MAST4: variants seen among roughly 807,000 people sequenced by gnomAD.
The protein encoded by MAST4 is microtubule associated serine/threonine kinase family member 4.
Under a neutral mutation model 162.7 loss-of-function variants are expected in MAST4, and 89 were observed. That is an observed-to-expected ratio of 0.55 (90% confidence interval 0.46 to 0.65). MAST4 has a LOEUF of 0.65. Ranked by LOEUF, MAST4 falls within the 30% of genes least tolerant of loss-of-function variation. The pLI is 0.00. For missense variants in MAST4, 3,153 were observed against 3,374.0 expected (o/e 0.93, Z 1.62); for synonymous variants, 1,479 against 1,361.1 (o/e 1.09, Z -1.91).
At chr5:66,935,181 A>G (rs1742605953) in intron 4 of MAST4, among the ~76,000 whole-genome samples, 1 of 152,248 alleles carries the variant, frequency 6.6e-6, no homozygotes, top group Non-Finnish European at 1.5e-5. Context: ...CAGTACTACA[A>G]GAAAAATATT....
chr5:66,815,680 T>C (rs1319080543), intron 3 of MAST4, among the ~76,000 whole-genome samples: 1 of 152,226 alleles, frequency 6.6e-6, no homozygotes, highest in African/African-American at 2.4e-5. Flanking sequence ...AAGAAACTGG[T>C]ATTATTTATG....
At chr5:66,801,242 TG>T (rs1755904507) in intron 3 of MAST4, among the ~76,000 whole-genome samples, 1 of 152,206 alleles carries the variant, frequency 6.6e-6, no homozygotes, top group African/African-American at 2.4e-5. Flanking sequence ...GGACATTTAC[TG>T]TAGAATTTCA....
intron 1 of MAST4, among the ~76,000 whole-genome samples, chr5:66,602,485 A>T (rs888026177): frequency 5.3e-5 from 8 of 152,010 alleles, no homozygotes; most frequent in African/African-American, 1.7e-4. Flanking sequence ...GACCTAGTGG[A>T]TACAGTGCAG....
chr5:67,016,492 T>C (rs1257707673), intron 4 of MAST4, among the ~76,000 whole-genome samples: 1 of 152,230 alleles, frequency 6.6e-6, no homozygotes, highest in Non-Finnish European at 1.5e-5. Context: ...TTTTGATCTT[T>C]GGTACAGAAA....
intron 2 of MAST4, among the ~76,000 whole-genome samples, chr5:66,784,873 TG>T (rs540551603): frequency 3.3e-4 from 50 of 152,284 alleles, no homozygotes; most frequent in African/African-American, 1.1e-3. Flanking sequence ...ATGGGAATAT[TG>T]GGGGCTTGGA....
chr5:66,907,204 A>AGAGG (rs1763425801), intron 4 of MAST4, among the ~76,000 whole-genome samples: 3 of 86,486 alleles, frequency 3.5e-5, no homozygotes, highest in Non-Finnish European at 5.1e-5. Context: ...AGAGAGAGAG[A>AGAGG]GAGTCCTGCT....
At chr5:66,726,472 G>T (rs996535174) in intron 1 of MAST4, among the ~76,000 whole-genome samples, 1 of 152,132 alleles carries the variant, frequency 6.6e-6, no homozygotes, top group Non-Finnish European at 1.5e-5. Context: ...CAGTTATTGA[G>T]GCTGGAGTTG....
At chr5:67,111,298 G>A (rs1433897960) in intron 11 of MAST4, among the ~76,000 whole-genome samples, 1 of 152,132 alleles carries the variant, frequency 6.6e-6, no homozygotes, top group Non-Finnish European at 1.5e-5. Flanking sequence ...TACATACATG[G>A]TTGCAGTGCT....
chr5:66,822,438 G>A (rs1757040361), intron 3 of MAST4, among the ~76,000 whole-genome samples: 4 of 152,184 alleles, frequency 2.6e-5, no homozygotes, highest in African/African-American at 9.7e-5. Flanking sequence ...TGGAAAGGGT[G>A]CTCTTGGTTT....
chr5:66,938,112 A>T (rs907530584), intron 4 of MAST4, among the ~76,000 whole-genome samples: 2 of 152,140 alleles, frequency 1.3e-5, no homozygotes, highest in Non-Finnish European at 2.9e-5. Context: ...ACAAATAATG[A>T]TAATTTTTCA....
rs897132495 is a variant in MAST4 at position 67,145,292 on chromosome 5, A to G, written c.3007A>G (p.Lys1003Glu). Residue 1003 changes from lysine (K) to glutamate (E), a missense_variant, in exon 23 of 29, where the codon AAG becomes GAG. Coordinates refer to ENST00000403625, the MANE Select transcript of MAST4 (RefSeq NM_001164664.2). ...CPGDPHEEPG[K>E]PALPPEECAQ... is the part of the protein sequence containing the mutation. ...TGGAGACCCCCATGAGGAGCCAGGA[A>G]AGCCAGCCCTTCCTCCTGAAGAGTG... is the stretch of plus-strand genomic sequence containing the variant. 3 of 1,613,900 alleles carry G rather than the reference A, an allele frequency of 1.9e-6. No homozygotes were observed. Among genetic ancestry groups the G allele is most frequent in the Non-Finnish European group, 2.5e-6 (3 of 1,179,876 alleles).
chr5:67,102,596 A>G lies in MAST4; in HGVS notation c.1131A>G (p.Lys377=), dbSNP rs777117750. The G allele has an allele frequency of 8.7e-6, 14 of 1,613,766 alleles. No homozygotes were observed. The Admixed American group carries it at 2.3e-4, about 27-fold the overall frequency. ...TAATTATGATGAACCATGTCTACAA[A>G]GAAAGGTTCCCAAAGGTAATGAATT... ...HEIIMMNHVY[K]ERFPKATAQM... The change falls in exon 9 of 29, where the codon AAA becomes AAG. Residue 377 remains lysine, a synonymous_variant. Transcript: ENST00000403625.
chr5:66,824,945 A>G (rs1757170700), intron 3 of MAST4, among the ~76,000 whole-genome samples: 1 of 152,192 alleles, frequency 6.6e-6, no homozygotes, highest in Admixed American at 6.5e-5. Context: ...TGGGTGAGTC[A>G]ATGAGTGAGT....
At chr5:66,687,663 T>G (rs62359994) in intron 1 of MAST4, among the ~76,000 whole-genome samples, 29,623 of 149,548 alleles carry the variant, frequency 0.2, 3,286 homozygotes, top group Admixed American at 0.31. Flanking sequence ...TATCTATCTA[T>G]CTATCTATCT....
intron 3 of MAST4, chr5:66,792,491 A>C (rs1367106009): frequency 1.2e-5 from 2 of 160,264 alleles, no homozygotes; most frequent in Admixed American, 6.5e-5. Context: ...TGCACATAGA[A>C]AGCATTCAGT....
chr5:66,694,369 A>C (rs1749255695), intron 1 of MAST4, among the ~76,000 whole-genome samples: 1 of 152,224 alleles, frequency 6.6e-6, no homozygotes, highest in African/African-American at 2.4e-5. Flanking sequence ...TCAGCTTGGA[A>C]GTAGGGAAGG....
chr5:67,094,154 C>T (rs1172861266), intron 6 of MAST4: 1 of 1,498,710 alleles, frequency 6.7e-7, no homozygotes, highest in Non-Finnish European at 9.1e-7. Context: ...AATCATGGTA[C>T]AGAAATGACA....
chr5:66,706,395 C>T (rs764716271), intron 1 of MAST4, among the ~76,000 whole-genome samples: 15 of 151,910 alleles, frequency 9.9e-5, no homozygotes, highest in East Asian at 1.9e-4. Context: ...CCATATGAAA[C>T]GGGAGGACAA....
Position 67,011,732 on chromosome 5 carries a change from A to G in MAST4, c.675-42672A>G, listed in dbSNP as rs568024944. On this transcript the variant is annotated intron_variant, in intron 4 of 28. Coordinates refer to ENST00000403625, the MANE Select transcript of MAST4 (RefSeq NM_001164664.2). ...AAGGCTTACCAGATACAAAGGATGG[A>G]AGCAGAAATATGCACAGTTCAAAAA... is the stretch of plus-strand genomic sequence containing the variant. 1.1e-3 allele frequency among the ~76,000 whole-genome samples: 164 copies of G among 152,322 alleles called. 1 individual carries two copies. The highest frequency in any genetic ancestry group is 3.8e-3 in the African/African-American group (157 of 41,560).
Sources: gnomAD v4.1 joint callset for allele counts (sites outside exome capture counted in the v4.1 genomes callset) on GRCh38, gnomAD v4.1.1 for gene constraint, MANE v1.5 for transcripts, NCBI Gene and HGNC (gene_info 2026-07-23, HGNC 2026-07-21) for gene names.